The following SKI variants were observed in gnomAD, a reference collection of about 807,000 sequenced individuals.
SKI encodes the protein SKI proto-oncogene.
SKI carries 23 observed loss-of-function variants against 59.3 expected under a neutral mutation model. That is an observed-to-expected ratio of 0.39 (90% CI 0.28 to 0.55). The LOEUF (loss-of-function observed/expected upper bound fraction) is 0.55, where lower values mean the gene tolerates loss of function less well. Ranked by LOEUF, SKI falls within the 20% of genes least tolerant of loss-of-function variation. The pLI, the probability that SKI is intolerant of heterozygous loss-of-function variation, is 0.67. For synonymous variants in SKI, 673 were observed against 488.6 expected (o/e 1.38, Z -4.98); for missense variants, 1,017 against 1,038.9 (o/e 0.98, Z 0.29).
At chr1:2,294,604 C>T (rs987431239) in intron 1 of SKI, among the ~76,000 whole-genome samples, 10 of 152,286 alleles carry the variant, frequency 6.6e-5, no homozygotes, top group Non-Finnish European at 1.2e-4. Context: ...CGTGGGTCCA[C>T]GTAGATGCCA....
chr1:2,229,238 C>T lies in SKI; in HGVS notation c.472C>T (p.Leu158=), dbSNP rs1265984315. The T allele has an allele frequency of 4.4e-6, 7 of 1,605,224 alleles. No individual in the cohort carries two copies. Among genetic ancestry groups the T allele is most frequent in the Non-Finnish European group, 6.0e-6 (7 of 1,176,468 alleles). The change falls in exon 1 of 7, where the codon CTG becomes TTG. Residue 158 remains leucine (L), a synonymous_variant. Transcript: ENST00000378536. The surrounding 1 kb of genome is among the most constrained non-coding windows in gnomAD (Gnocchi z 6.3). ...IYCSRCTADQ[L]EILKVMGILP... ...CTGCTCGCGCTGCACGGCCGACCAG[C>T]TGGAGATCCTCAAAGTCATGGGCAT...
chr1:2,303,532 GT>G lies in SKI; in HGVS notation c.1211+134del. The G allele has an allele frequency of 1.2e-6, 1 of 827,160 alleles. No homozygotes were observed. Among genetic ancestry groups the G allele is most frequent in the South Asian group, 1.6e-5 (1 of 62,808 alleles). 51.2% of individuals were successfully genotyped at this position (827,160 alleles called of 1,614,324 possible). A position where few individuals can be genotyped will look rare whatever the true frequency, so the allele number is the denominator to read the frequency against. ...GCCTTTTGGTCAGGGCAGTCTCGGT[GT>G]TGGTTCCTTTGGCTGGCATCAGGGA... On this transcript the variant is annotated intron_variant, in intron 3 of 6. Transcript: ENST00000378536. The surrounding 1 kb of genome is among the most constrained non-coding windows in gnomAD (Gnocchi z 5.6).
intron 1 of SKI, among the ~76,000 whole-genome samples, chr1:2,252,178 T>G (rs1320268196): frequency 6.6e-6 from 1 of 152,158 alleles, no homozygotes; most frequent in Non-Finnish European, 1.5e-5. Context: ...ATCTCCAGTT[T>G]AATAACAAAC....
Position 2,237,273 on chromosome 1 carries a change from G to T in SKI, c.969+7538G>T, listed in dbSNP as rs578054876. Among the ~76,000 whole-genome samples the T allele has an allele frequency of 3.5e-3, 528 of 152,314 alleles. 2 individuals are homozygous for T. The highest frequency in any genetic ancestry group is 5.6e-3 in the Non-Finnish European group (383 of 68,016). On this transcript the variant is annotated intron_variant, in intron 1 of 6. Transcript: ENST00000378536. ...GCCCAGCAGGTGTCCAGCGGTGCTG[G>T]CGCTGCCTCTGTCTCTCTGTCCACG...
In SKI at chr1:2,288,207, G is replaced by A. The variant is rs149008990; in HGVS notation, c.970-14771G>A. 4.7e-3 allele frequency among the ~76,000 whole-genome samples: 708 copies of A among 149,554 alleles called. 16 individuals carry two copies. The highest frequency in any genetic ancestry group is 0.034 in the Admixed American group (511 of 15,104). ...TCTCCACATGGGCCAGGCTGGTCTC[G>A]AACTTCTGACCTCAGGTGATCCACC... On this transcript the variant is annotated intron_variant, in intron 1 of 6. Transcript: ENST00000378536.
Position 2,304,006 on chromosome 1 carries a change from G to T in SKI, c.1378G>T (p.Asp460Tyr), listed in dbSNP as rs773584072. The T allele has an allele frequency of 6.2e-7, 1 of 1,612,472 alleles. No individual in the cohort carries two copies. The highest frequency in any genetic ancestry group is 8.5e-7 in the Non-Finnish European group (1 of 1,179,886). ...TQPRKRKLTV[D>Y]TPGAPETLAP... Reference sequence around the variant, plus strand: ...GCCTCGGAAGCGGAAGCTGACTGTGGACACCCCAGGAGCCCCAGAGACGCT... The same window carrying T: ...GCCTCGGAAGCGGAAGCTGACTGTGTACACCCCAGGAGCCCCAGAGACGCT... The change falls in exon 4 of 7, where the codon GAC (aspartate) becomes TAC (tyrosine). Residue 460 changes from aspartate to tyrosine, a missense_variant. Transcript: ENST00000378536.
At chr1:2,271,430 T>TG (rs1320188676) in intron 1 of SKI, among the ~76,000 whole-genome samples, 2 of 152,070 alleles carry the variant, frequency 1.3e-5, no homozygotes, top group African/African-American at 2.4e-5. Flanking sequence ...GTGTCACCCC[T>TG]GGGAGCCCCC....
Position 2,228,990 on chromosome 1 carries a change from A to T in SKI, c.224A>T (p.His75Leu). The change falls in exon 1 of 7, where the codon CAC (histidine) becomes CTC (leucine). Residue 75 changes from histidine (H) to leucine (L), a missense_variant. His to Leu is a moderately conservative substitution (Grantham distance 99, BLOSUM62 -3). Transcript: ENST00000378536. The stretch of plus-strand genomic sequence containing the variant: ...GCCACCGAGCCGCCGCCCGTGCTGC[A>T]CCTGCCCGCCATCCAGCCGCCGCCG... ...PAATEPPPVL[H>L]LPAIQPPPPV... 6.5e-7 allele frequency: 1 copy of T among 1,546,468 alleles called. No homozygotes were observed. Among genetic ancestry groups the T allele is most frequent in the Non-Finnish European group, 8.7e-7 (1 of 1,152,994 alleles).
At chr1:2,261,222 G>A (rs1413570876) in intron 1 of SKI, among the ~76,000 whole-genome samples, 1 of 152,160 alleles carries the variant, frequency 6.6e-6, no homozygotes, top group Non-Finnish European at 1.5e-5. Context: ...TGATATTCGC[G>A]CTCTAACCCT....
At chr1:2,283,947 A>G (rs1278802436) in intron 1 of SKI, among the ~76,000 whole-genome samples, 1 of 151,948 alleles carries the variant, frequency 6.6e-6, no homozygotes, top group Non-Finnish European at 1.5e-5. Flanking sequence ...GGAGGCGGGG[A>G]GGTGCTTGTT....
Position 2,268,762 on chromosome 1 carries a change from G to A in SKI, c.970-34216G>A, listed in dbSNP as rs577942731. 3.7e-4 allele frequency among the ~76,000 whole-genome samples: 57 copies of A among 152,336 alleles called. No homozygotes were observed. The highest frequency in any genetic ancestry group is 6.9e-4 in the Non-Finnish European group (47 of 68,032). ...CAGGGAGAGGCCATGACAGGAGTGG[G>A]TGTGGGGACTGGTGGGGACAGCGAC... On this transcript the variant is annotated intron_variant, in intron 1 of 6. Coordinates refer to ENST00000378536, the MANE Select transcript of SKI (RefSeq NM_003036.4). The surrounding 1 kb of genome is among the most constrained non-coding windows in gnomAD (Gnocchi z 5.0).
intron 1 of SKI, among the ~76,000 whole-genome samples, chr1:2,262,506 A>G (rs1639410317): frequency 6.8e-6 from 1 of 146,724 alleles, no homozygotes; most frequent in Admixed American, 6.8e-5. Flanking sequence ...TTTGGGTGGG[A>G]GTGGACGCCC....
chr1:2,266,427 A>G (rs982161913), intron 1 of SKI, among the ~76,000 whole-genome samples: 44 of 151,976 alleles, frequency 2.9e-4, no homozygotes, highest in Admixed American at 2.8e-3. Flanking sequence ...TGTCAGCTCC[A>G]TCTCAACCCA....
chr1:2,282,982 T>C (rs575611202), intron 1 of SKI, among the ~76,000 whole-genome samples: 34 of 152,170 alleles, frequency 2.2e-4, no homozygotes, highest in African/African-American at 7.9e-4. Flanking sequence ...CCCTTGCCGG[T>C]GCTGGGAGAC....
chr1:2,303,440 GA>G lies in SKI; in HGVS notation c.1211+41del. Reference sequence around the variant, plus strand: ...TTCACAGGTGTTTCTGATCACGGGGGAGGCTCCACGAGGGCTGTGCATGCGG... The same window carrying G: ...TTCACAGGTGTTTCTGATCACGGGGGGGCTCCACGAGGGCTGTGCATGCGG... On this transcript the variant is annotated intron_variant, in intron 3 of 6. Coordinates refer to ENST00000378536, the MANE Select transcript of SKI (RefSeq NM_003036.4). The surrounding 1 kb of genome is among the most constrained non-coding windows in gnomAD (Gnocchi z 5.6). 6.5e-7 allele frequency: 1 copy of G among 1,535,722 alleles called. No individual in the cohort carries two copies. The highest frequency in any genetic ancestry group is 1.1e-5 in the South Asian group (1 of 89,704).
intron 1 of SKI, among the ~76,000 whole-genome samples, chr1:2,277,756 A>G (rs1429356038): frequency 2.1e-5 from 3 of 145,792 alleles, no homozygotes; most frequent in Non-Finnish European, 4.5e-5. Context: ...CACATTCATC[A>G]GGACCCATGG....
Position 2,228,998 on chromosome 1 carries a change from G to A in SKI, c.232G>A (p.Ala78Thr). The change falls in exon 1 of 7, where the codon GCC becomes ACC. Residue 78 changes from alanine (A) to threonine (T), a missense_variant. Transcript: ENST00000378536. ...GCCGCCGCCCGTGCTGCACCTGCCC[G>A]CCATCCAGCCGCCGCCGCCCGTGCT... ...TEPPPVLHLPAIQPPPPVLPG... is the reference protein window; with the variant it reads ...TEPPPVLHLPTIQPPPPVLPG... 1.3e-6 allele frequency: 2 copies of A among 1,558,530 alleles called. No homozygotes were observed. Among genetic ancestry groups the A allele is most frequent in the Non-Finnish European group, 1.7e-6 (2 of 1,159,478 alleles).
At chr1:2,287,439 C>T (rs2100886780) in intron 1 of SKI, among the ~76,000 whole-genome samples, 1 of 151,494 alleles carries the variant, frequency 6.6e-6, no homozygotes, top group Middle Eastern at 3.4e-3. Context: ...CGGGTTCACG[C>T]CATTCTCCTG....
Position 2,304,061 on chromosome 1 carries a change from A to G in SKI, c.1433A>G (p.Lys478Arg), listed in dbSNP as rs1290176972. ...CCCGTGGCTGCCCCAGAGGAGGACA[A>G]GGACTCGGAGGCGGAGGTGGAAGTT... Reference protein sequence around the residue: ...LAPVAAPEEDKDSEAEVEVES... With the variant: ...LAPVAAPEEDRDSEAEVEVES... The change falls in exon 4 of 7, where the codon AAG becomes AGG. Residue 478 changes from lysine to arginine, a missense_variant. Coordinates refer to ENST00000378536, the MANE Select transcript of SKI (RefSeq NM_003036.4). 1.1e-5 allele frequency: 18 copies of G among 1,612,460 alleles called. No homozygotes were observed. Among genetic ancestry groups the G allele is most frequent in the Non-Finnish European group, 1.4e-5 (17 of 1,179,916 alleles).
Sources: allele counts gnomAD v4.1 joint callset (sites outside exome capture counted in the v4.1 genomes callset), GRCh38; gene constraint gnomAD v4.1.1; non-coding constraint Gnocchi (gnomAD v3.1); transcripts MANE v1.5; gene names NCBI Gene and HGNC (gene_info 2026-07-23, HGNC 2026-07-21).